The following GAS2 variants were observed in gnomAD, a reference collection of about 807,000 sequenced individuals.
GAS2 encodes growth arrest-specific protein 2.
In GAS2, 20 loss-of-function variants were observed where a neutral mutation model predicts 37.5. The ratio of observed to expected loss-of-function variants is 0.53; its 90% CI spans 0.37 to 0.77. The LOEUF is 0.77. GAS2 is among the 30% of genes least tolerant of loss of function. The probability of loss-of-function intolerance (pLI) is 0.00; values close to 1 mark genes in which losing one functional copy is unlikely to be tolerated. For synonymous variants in GAS2, 144 were observed against 132.2 expected (o/e 1.09, Z -0.61); for missense variants, 336 against 373.4 (o/e 0.90, Z 0.82).
intron 1 of GAS2, among the ~76,000 whole-genome samples, chr11:22,640,557 A>G (rs1169253685): frequency 6.6e-6 from 1 of 152,148 alleles, no homozygotes; most frequent in Non-Finnish European, 1.5e-5. Flanking sequence ...ATATAAAGAG[A>G]ACTTATTTAA....
At chr11:22,788,645 G>A (rs557331697) in intron 7 of GAS2, among the ~76,000 whole-genome samples, 104 of 152,270 alleles carry the variant, frequency 6.8e-4, no homozygotes, top group Non-Finnish European at 1.3e-3. Flanking sequence ...TGGGGACAGA[G>A]CTTATGTGAT....
chr11:22,686,207 T>C (rs1849938428), intron 3 of GAS2, among the ~76,000 whole-genome samples: 1 of 152,154 alleles, frequency 6.6e-6, no homozygotes, highest in Non-Finnish European at 1.5e-5. Context: ...TAATTTTTGG[T>C]TTATTCTAAA....
intron 3 of GAS2, among the ~76,000 whole-genome samples, chr11:22,697,988 A>G (rs1850621393): frequency 6.6e-6 from 1 of 152,304 alleles, no homozygotes; most frequent in African/African-American, 2.4e-5. Context: ...TGTGTTGAAT[A>G]GGAGTGGTGA....
intron 7 of GAS2, among the ~76,000 whole-genome samples, chr11:22,771,215 T>G (rs1564881210): frequency 6.6e-6 from 1 of 152,138 alleles, no homozygotes; most frequent in Non-Finnish European, 1.5e-5. Context: ...TAATACAATA[T>G]TTGTTATTTT....
chr11:22,735,935 T>G (rs900624245), intron 4 of GAS2, among the ~76,000 whole-genome samples: 2 of 151,378 alleles, frequency 1.3e-5, no homozygotes, highest in African/African-American at 4.8e-5. Flanking sequence ...AGTCCTCCTC[T>G]CCTCAGTTTT....
At chr11:22,790,590 ATTTTT>A (rs58284244) in intron 7 of GAS2, among the ~76,000 whole-genome samples, 3 of 111,794 alleles carry the variant, frequency 2.7e-5, no homozygotes, top group South Asian at 3.1e-4. Flanking sequence ...CTTCTTCTCT[ATTTTT>A]TTTTTTTTTT....
chr11:22,742,039 A>G (rs561439854), intron 5 of GAS2, among the ~76,000 whole-genome samples: 8 of 152,088 alleles, frequency 5.3e-5, no homozygotes, highest in Non-Finnish European at 1.0e-4. Context: ...AAACTGTGTC[A>G]AGTGCCAGAA....
At chr11:22,805,250 T>A (rs773138599) in intron 7 of GAS2, among the ~76,000 whole-genome samples, 4 of 152,150 alleles carry the variant, frequency 2.6e-5, no homozygotes, top group Non-Finnish European at 5.9e-5. Flanking sequence ...AATTGACAGA[T>A]AAAATTATAT....
At chr11:22,634,312 A>G (rs1319662756) in intron 1 of GAS2, among the ~76,000 whole-genome samples, 1 of 152,118 alleles carries the variant, frequency 6.6e-6, no homozygotes, top group Non-Finnish European at 1.5e-5. Flanking sequence ...TCCTCCCACA[A>G]CATGTGGGAA....
chr11:22,792,446 T>C (rs1300453564), intron 7 of GAS2, among the ~76,000 whole-genome samples: 1 of 152,238 alleles, frequency 6.6e-6, no homozygotes. Flanking sequence ...TATAAAATTG[T>C]GGAAATATAA....
intron 7 of GAS2, among the ~76,000 whole-genome samples, chr11:22,759,485 C>A (rs1282547212): frequency 6.6e-6 from 1 of 152,038 alleles, no homozygotes; most frequent in African/African-American, 2.4e-5. Flanking sequence ...TTTTTTGTTT[C>A]TAGCTTATGA....
intron 3 of GAS2, among the ~76,000 whole-genome samples, chr11:22,722,707 G>C (rs997814652): frequency 2.0e-5 from 3 of 151,830 alleles, no homozygotes; most frequent in African/African-American, 7.2e-5. Flanking sequence ...CATGTCCCTT[G>C]GGGATGTAAA....
chr11:22,687,115 C>T (rs11604107), intron 3 of GAS2, among the ~76,000 whole-genome samples: 1,948 of 151,974 alleles, frequency 0.013, 29 homozygotes, highest in East Asian at 0.058. Context: ...TGCTTGAGCT[C>T]GGGAGTCGAG....
intron 1 of GAS2, among the ~76,000 whole-genome samples, chr11:22,640,315 T>C (rs1250044256): frequency 6.6e-6 from 1 of 152,202 alleles, no homozygotes; most frequent in Non-Finnish European, 1.5e-5. Flanking sequence ...AAATTAGAGC[T>C]TCATCAACAC....
At chr11:22,729,709 A>T (rs1478004019) in intron 4 of GAS2, among the ~76,000 whole-genome samples, 1 of 136,806 alleles carries the variant, frequency 7.3e-6, no homozygotes, top group Non-Finnish European at 1.6e-5. Flanking sequence ...GGTAGATTTT[A>T]TTCACATCTA....
At chr11:22,768,836 A>C (rs1854829021) in intron 7 of GAS2, among the ~76,000 whole-genome samples, 1 of 152,200 alleles carries the variant, frequency 6.6e-6, no homozygotes, top group African/African-American at 2.4e-5. Context: ...AAGGCAGATA[A>C]AAGGCAGGCC....
chr11:22,789,078 G>A (rs895315599), intron 7 of GAS2, among the ~76,000 whole-genome samples: 1 of 150,546 alleles, frequency 6.6e-6, no homozygotes, highest in Non-Finnish European at 1.5e-5. Context: ...CAATGTAGTG[G>A]GAAAAGAATT....
Position 22,646,718 on chromosome 11 carries a change from C to G in GAS2, c.-21+20905C>G, listed in dbSNP as rs541482556. On this transcript the variant is annotated intron_variant, in intron 1 of 5. Coordinates refer to the GAS2 transcript ENST00000528582. ...ATGGCATTTCTTTTAAAACTTAATC[C>G]AGAAAGCAAAAACCTACTTCATACA... Among the ~76,000 whole-genome samples, 3 of 152,138 alleles carry G rather than the reference C, an allele frequency of 2.0e-5. No individual in the cohort carries two copies. The South Asian group carries it at 6.2e-4, about 32-fold the overall frequency.
At chr11:22,713,819 C>T (rs1324199787) in intron 3 of GAS2, among the ~76,000 whole-genome samples, 1 of 152,142 alleles carries the variant, frequency 6.6e-6, no homozygotes, top group African/African-American at 2.4e-5. Context: ...TTATTCACCA[C>T]TACCAAGCCA....
Sources: gnomAD v4.1 joint callset for allele counts (sites outside exome capture counted in the v4.1 genomes callset) on GRCh38, gnomAD v4.1.1 for gene constraint, MANE v1.5 for transcripts, NCBI Gene and HGNC (gene_info 2026-07-23, HGNC 2026-07-21) for gene names.